The following RALGPS1 variants were observed in gnomAD, a reference collection of about 807,000 sequenced individuals.
RALGPS1 encodes the protein ras-specific guanine nucleotide-releasing factor RalGPS1.
Under a neutral mutation model 78.8 loss-of-function variants are expected in RALGPS1, and 19 were observed. That is an observed-to-expected ratio of 0.24 (90% CI 0.17 to 0.35). RALGPS1 has a LOEUF of 0.35. Among genes scored for constraint, RALGPS1 ranks in the 10% least tolerant of loss-of-function variants. RALGPS1 has a pLI of 1.00. For missense variants in RALGPS1, 454 were observed against 688.3 expected (o/e 0.66, Z 3.81); for synonymous variants, 228 against 256.3 (o/e 0.89, Z 1.06).
At chr9:127,149,499 A>G (rs2139003743) in intron 8 of RALGPS1, among the ~76,000 whole-genome samples, 1 of 152,298 alleles carries the variant, frequency 6.6e-6, no homozygotes, top group East Asian at 1.9e-4. Flanking sequence ...GCTCGTGGTA[A>G]TCCACTTGGA....
chr9:127,184,304 A>C (rs2060492118), intron 11 of RALGPS1: 1 of 389,626 alleles, frequency 2.6e-6, no homozygotes. Flanking sequence ...TGGGTGACAG[A>C]GCAAGACCTT....
chr9:126,929,286 A>G (rs564556038), intron 1 of RALGPS1, among the ~76,000 whole-genome samples: 8 of 152,366 alleles, frequency 5.3e-5, no homozygotes. Context: ...GGAGAATCAT[A>G]AAAACAGGAC....
chr9:127,056,024 C>T (rs2048713395), intron 7 of RALGPS1, among the ~76,000 whole-genome samples: 1 of 152,122 alleles, frequency 6.6e-6, no homozygotes, highest in South Asian at 2.1e-4. Flanking sequence ...GAAGGCTGCC[C>T]TGCAAATGCC....
At chr9:127,028,930 C>T (rs966500659) in intron 4 of RALGPS1, among the ~76,000 whole-genome samples, 1 of 151,912 alleles carries the variant, frequency 6.6e-6, no homozygotes, top group Non-Finnish European at 1.5e-5. Context: ...GACCCTTGTG[C>T]CCCCAGAGCT....
At chr9:126,920,105 G>A (rs2034601999) in intron 1 of RALGPS1, among the ~76,000 whole-genome samples, 1 of 152,124 alleles carries the variant, frequency 6.6e-6, no homozygotes, top group Non-Finnish European at 1.5e-5. Flanking sequence ...TCTGCACAGG[G>A]AAAGTCTCCT....
intron 1 of RALGPS1, among the ~76,000 whole-genome samples, chr9:126,929,990 T>C (rs1564266464): frequency 6.6e-6 from 1 of 151,934 alleles, no homozygotes. Flanking sequence ...GCGCCACCAC[T>C]CCTGGCTTAA....
chr9:126,928,238 C>G (rs917169056), intron 1 of RALGPS1, among the ~76,000 whole-genome samples: 11 of 152,146 alleles, frequency 7.2e-5, no homozygotes, highest in Non-Finnish European at 1.6e-4. Flanking sequence ...AGGCACAGAT[C>G]CAGTTGCCAC....
chr9:127,176,681 C>G (rs1388757567), intron 11 of RALGPS1, among the ~76,000 whole-genome samples: 1 of 152,216 alleles, frequency 6.6e-6, no homozygotes. Flanking sequence ...GCCAAGAAGT[C>G]TCCATGCCAC....
chr9:127,204,465 C>G (rs560789073), intron 14 of RALGPS1, among the ~76,000 whole-genome samples: 2 of 152,256 alleles, frequency 1.3e-5, no homozygotes, highest in East Asian at 3.9e-4. Flanking sequence ...TACTACTTAC[C>G]ACCAAGAAAG....
At position 127,050,352 on chromosome 9, in the gene RALGPS1, G is replaced by A. The variant is rs78186875; in HGVS notation, c.390+220G>A. Among the ~76,000 whole-genome samples, 881 of 152,286 alleles carry A rather than the reference G, an allele frequency of 5.8e-3. 6 individuals carry two copies. Among genetic ancestry groups the A allele is most frequent in the African/African-American group, 0.02 (839 of 41,558 alleles). ...AGCACCTTGTGCGCAAATTGGCAGC[G>A]TGCCCCACACCCTATAATTTTAGTG... is the stretch of plus-strand genomic sequence containing the variant. On this transcript the variant is annotated intron_variant, in intron 6 of 18. Transcript: ENST00000259351.
At chr9:127,065,224 C>T (rs1213370897) in intron 7 of RALGPS1, among the ~76,000 whole-genome samples, 9 of 152,176 alleles carry the variant, frequency 5.9e-5, no homozygotes, top group Admixed American at 5.9e-4. Flanking sequence ...AGGAATTCTC[C>T]TGCCTCAGCC....
At chr9:127,127,935 T>C (rs889298391) in intron 8 of RALGPS1, among the ~76,000 whole-genome samples, 9 of 152,212 alleles carry the variant, frequency 5.9e-5, no homozygotes, top group Non-Finnish European at 1.5e-5. Flanking sequence ...TGCAGGTTTT[T>C]TACATAGGTA....
At chr9:127,049,085 G>A (rs567341126) in intron 5 of RALGPS1, among the ~76,000 whole-genome samples, 1 of 152,194 alleles carries the variant, frequency 6.6e-6, no homozygotes, top group Non-Finnish European at 1.5e-5. Context: ...AAGTTTAGGG[G>A]TTTTAGATGC....
chr9:126,948,595 A>G (rs1259419792), intron 1 of RALGPS1, among the ~76,000 whole-genome samples: 2 of 152,236 alleles, frequency 1.3e-5, no homozygotes, highest in East Asian at 3.9e-4. Context: ...CCTGGGCTGG[A>G]CTATAAATTT....
At chr9:127,171,904 AC>A (rs2059587012) in intron 10 of RALGPS1, among the ~76,000 whole-genome samples, 1 of 151,972 alleles carries the variant, frequency 6.6e-6, no homozygotes, top group South Asian at 2.1e-4. Flanking sequence ...CCCTTCCTTA[AC>A]CTCCACTTCA....
chr9:126,962,528 G>A (rs1334487207), intron 2 of RALGPS1, among the ~76,000 whole-genome samples, 182 bp downstream of exon 2: 1 of 152,260 alleles, frequency 6.6e-6, no homozygotes, highest in Non-Finnish European at 1.5e-5. Context: ...CTGAGGATCA[G>A]CGTGTTTTCT....
intron 4 of RALGPS1, among the ~76,000 whole-genome samples, chr9:127,025,289 C>A (rs1158765118): frequency 6.6e-6 from 1 of 152,158 alleles, no homozygotes; most frequent in South Asian, 2.1e-4. Flanking sequence ...TTGTTCATCG[C>A]CTCACCAGCT....
intron 4 of RALGPS1, among the ~76,000 whole-genome samples, chr9:127,028,176 G>T (rs1432236761): frequency 1.3e-5 from 2 of 152,202 alleles, no homozygotes; most frequent in Non-Finnish European, 2.9e-5. Flanking sequence ...CCTAACTCAG[G>T]TGTGGTGCTC....
intron 7 of RALGPS1, among the ~76,000 whole-genome samples, chr9:127,068,874 G>T (rs1430208688): frequency 6.6e-6 from 1 of 152,138 alleles, no homozygotes; most frequent in Non-Finnish European, 1.5e-5. Flanking sequence ...TAGAAAAAGG[G>T]TGGTAACTTT....
Sources: allele counts gnomAD v4.1 joint callset (sites outside exome capture counted in the v4.1 genomes callset), GRCh38; gene constraint gnomAD v4.1.1; transcripts MANE v1.5; gene names NCBI Gene and HGNC (gene_info 2026-07-23, HGNC 2026-07-21).